PTBP3: variants seen among roughly 807,000 people sequenced by gnomAD.
PTBP3 encodes polypyrimidine tract-binding protein 3.
PTBP3 carries 20 observed loss-of-function variants against 58.7 expected under a neutral mutation model. That is an observed-to-expected ratio of 0.34 (90% CI 0.24 to 0.50). The LOEUF is 0.50. Ranked by LOEUF, PTBP3 falls within the 20% of genes least tolerant of loss-of-function variation. The pLI is 0.98. For missense variants in PTBP3, 509 were observed against 637.2 expected (o/e 0.80, Z 2.17); for synonymous variants, 185 against 219.8 (o/e 0.84, Z 1.40).
In PTBP3 at chr9:112,229,225, T is replaced by A. The variant is rs116737992; in HGVS notation, c.1055-753A>T. Among the ~76,000 whole-genome samples the A allele has an allele frequency of 8.2e-4, 124 of 151,592 alleles. 2 individuals are homozygous for A. Among genetic ancestry groups the A allele is most frequent in the African/African-American group, 2.9e-3 (120 of 40,874 alleles). On this transcript the variant is annotated intron_variant, in intron 10 of 13. Coordinates refer to ENST00000374257, the MANE Select transcript of PTBP3 (RefSeq NM_001163788.4). ...GATTTTTTCATCCAGTGTATTACAA[T>A]ATATTTCAGTTTATGTGCTACAGAG... is the stretch of plus-strand genomic sequence containing the variant.
Position 112,218,582 on chromosome 9 carries a change from T to C in PTBP3, c.*5269A>G, listed in dbSNP as rs1480710431. 6.5e-6 allele frequency: 1 copy of C among 152,692 alleles called. No homozygotes were observed. Among genetic ancestry groups the C allele is most frequent in the Non-Finnish European group, 1.5e-5 (1 of 68,046 alleles). The allele number at this position is 152,692 out of a possible 1,614,324, so 9.5% of individuals were successfully genotyped here. Reference sequence around the variant, plus strand: ...GAATATACTGTAGTGTACAGAAGCTTGAATTAACCATGCACTACGCATTTA... The same window carrying C: ...GAATATACTGTAGTGTACAGAAGCTCGAATTAACCATGCACTACGCATTTA... On this transcript the variant is annotated 3_prime_UTR_variant, in exon 14 of 14. Coordinates refer to ENST00000374257, the MANE Select transcript of PTBP3 (RefSeq NM_001163788.4).
At chr9:112,251,140 C>T (rs371045238) in intron 6 of PTBP3, 37 bp from the exon 7 acceptor site, 3 of 1,433,274 alleles carry the variant, frequency 2.1e-6, no homozygotes, top group African/African-American at 2.9e-5. Flanking sequence ...TTTGGCAAGA[C>T]AACAACACTG....
the PTBP3 span, among the ~76,000 whole-genome samples, chr9:112,364,522 A>T: frequency 6.6e-6 from 1 of 151,948 alleles, no homozygotes; most frequent in Non-Finnish European, 1.5e-5. Context: ...AGAACCAGCT[A>T]CTCGTGAGGC....
chr9:112,265,041 T>C (rs1382452463), intron 4 of PTBP3, among the ~76,000 whole-genome samples: 3 of 152,168 alleles, frequency 2.0e-5, no homozygotes, highest in Admixed American at 6.5e-5. Context: ...ATGTGCATAA[T>C]TAATTATCTC....
chr9:112,221,401 T>C lies in PTBP3; in HGVS notation c.*2450A>G. ...ACATTCAACACCACTATGATCCCCT[T>C]CCGTTATTAGCAACTTTGCTACACT... On this transcript the variant is annotated 3_prime_UTR_variant, in exon 14 of 14. Coordinates refer to ENST00000374257, the MANE Select transcript of PTBP3 (RefSeq NM_001163788.4). 1 of 985,806 alleles carries C rather than the reference T, an allele frequency of 1.0e-6. No individual in the cohort carries two copies. Among genetic ancestry groups the C allele is most frequent in the Non-Finnish European group, 1.2e-6 (1 of 829,912 alleles). 61.1% of individuals were successfully genotyped at this position (985,806 alleles called of 1,614,324 possible).
At chr9:112,326,805 CTA>C (rs773219069) in intron 1 of PTBP3, among the ~76,000 whole-genome samples, 6 of 152,136 alleles carry the variant, frequency 3.9e-5, no homozygotes, top group Non-Finnish European at 8.8e-5. Flanking sequence ...ACACAAAATG[CTA>C]TGTTATCCAC....
chr9:112,252,485 C>T (rs891927978), intron 6 of PTBP3, 193 bp downstream of exon 6: 3 of 554,908 alleles, frequency 5.4e-6, no homozygotes, highest in East Asian at 3.1e-5. Flanking sequence ...GATTTGAGAC[C>T]GTTTCATATG....
At chr9:112,305,292 T>TGGGTC (rs558637165) in intron 1 of PTBP3, among the ~76,000 whole-genome samples, 15 of 149,938 alleles carry the variant, frequency 1.0e-4, no homozygotes, top group African/African-American at 3.7e-4. Flanking sequence ...CTAGTGGCCT[T>TGGGTC]GGGTCACCAG....
At chr9:112,362,435 A>AT in the PTBP3 span, among the ~76,000 whole-genome samples, 2 of 152,002 alleles carry the variant, frequency 1.3e-5, no homozygotes, top group Non-Finnish European at 2.9e-5. Flanking sequence ...ATTTATAAGT[A>AT]TTTTTTCTCA....
At position 112,305,697 on chromosome 9, in the gene PTBP3, T is replaced by G. The variant is rs572940422; in HGVS notation, c.-51-7781A>C. Among the ~76,000 whole-genome samples, 55 of 152,182 alleles carry G rather than the reference T, an allele frequency of 3.6e-4. No homozygotes were observed. The South Asian group carries it at 0.011, about 30-fold the overall frequency. ...GGCTCACGCCTGTAATCTCAGCACTTTGGGAGGCCGAGGGGGGCGGATAAT... is the reference window on the plus strand; with the variant it reads ...GGCTCACGCCTGTAATCTCAGCACTGTGGGAGGCCGAGGGGGGCGGATAAT... On this transcript the variant is annotated intron_variant, in intron 1 of 13. Transcript: ENST00000374257.
intron 1 of PTBP3, among the ~76,000 whole-genome samples, chr9:112,304,621 C>A (rs1446331235): frequency 6.6e-6 from 1 of 152,138 alleles, no homozygotes; most frequent in Non-Finnish European, 1.5e-5. Flanking sequence ...GGCTGGACTG[C>A]AGTGGGATGA....
chr9:112,256,606 C>A (rs1836376585), intron 5 of PTBP3, among the ~76,000 whole-genome samples: 1 of 152,018 alleles, frequency 6.6e-6, no homozygotes, highest in Non-Finnish European at 1.5e-5. Flanking sequence ...TCATAGTTCA[C>A]TATAACCTTG....
chr9:112,353,434 C>A, the PTBP3 span, among the ~76,000 whole-genome samples: 1 of 150,272 alleles, frequency 6.7e-6, no homozygotes, highest in Non-Finnish European at 1.5e-5. Flanking sequence ...TTTGTAGAGG[C>A]GGGGTTTCAC....
chr9:112,319,835 TACTC>T (rs796848637), intron 1 of PTBP3, among the ~76,000 whole-genome samples: 90 of 152,286 alleles, frequency 5.9e-4, no homozygotes, highest in African/African-American at 2.1e-3. Flanking sequence ...AATGGAATAT[TACTC>T]AGTCTTTAAA....
At chr9:112,240,931 A>G (rs1285053013) in intron 7 of PTBP3, among the ~76,000 whole-genome samples, 1 of 152,194 alleles carries the variant, frequency 6.6e-6, no homozygotes, top group Non-Finnish European at 1.5e-5. Context: ...TAAGGCTACG[A>G]AGAAAAAATA....
chr9:112,343,080 CGG>C, the PTBP3 span, among the ~76,000 whole-genome samples: 1 of 152,010 alleles, frequency 6.6e-6, no homozygotes, highest in African/African-American at 2.4e-5. Context: ...AGGGCTGGAT[CGG>C]GGAAAATGCA....
At chr9:112,234,442 A>G (rs1835366045) in intron 8 of PTBP3, among the ~76,000 whole-genome samples, 1 of 152,252 alleles carries the variant, frequency 6.6e-6, no homozygotes, top group Non-Finnish European at 1.5e-5. Flanking sequence ...TGAAGGCCCA[A>G]AGATAAGACA....
chr9:112,272,855 C>T (rs1175760505), intron 3 of PTBP3: 1 of 152,134 alleles, frequency 6.6e-6, no homozygotes, highest in Non-Finnish European at 1.5e-5. Flanking sequence ...AATTAGCAAG[C>T]ATATATCAAC....
chr9:112,251,705 T>C (rs1448574510), intron 6 of PTBP3, among the ~76,000 whole-genome samples: 3 of 152,174 alleles, frequency 2.0e-5, no homozygotes, highest in East Asian at 3.8e-4. Context: ...AGAATAAAAA[T>C]TTACCTAAGG....
Sources: gnomAD v4.1 joint callset for allele counts (sites outside exome capture counted in the v4.1 genomes callset) on GRCh38, gnomAD v4.1.1 for gene constraint, MANE v1.5 for transcripts, NCBI Gene and HGNC (gene_info 2026-07-23, HGNC 2026-07-21) for gene names.